MYO16: variants seen among roughly 807,000 people sequenced by gnomAD.
The protein encoded by MYO16 is myosin XVI, also known as unconventional myosin-XVI.
A neutral mutation model predicts 205.3 loss-of-function variants in MYO16; 94 were observed. The observed-to-expected ratio is 0.46, with a 90% CI of 0.39 to 0.54. The LOEUF is 0.54. Ranked by LOEUF, MYO16 falls within the 20% of genes least tolerant of loss-of-function variation. The pLI is 0.00. For synonymous variants in MYO16, 988 were observed against 954.0 expected, an observed-to-expected ratio of 1.04 and a Z score of -0.66; for missense variants, 2,315 against 2,387.5, an observed-to-expected ratio of 0.97 and a Z score of 0.63.
intron 4 of MYO16, among the ~76,000 whole-genome samples, chr13:108,767,570 TC>T (rs1885822538): frequency 7.2e-5 from 11 of 152,304 alleles, no homozygotes; most frequent in African/African-American, 2.4e-4. Flanking sequence ...GTCTCAGTAT[TC>T]TGGGAATACC....
chr13:108,498,412 G>C, the MYO16 span, among the ~76,000 whole-genome samples: 2 of 152,136 alleles, frequency 1.3e-5, no homozygotes, highest in African/African-American at 4.8e-5. Context: ...GAGGGAGAGA[G>C]AGTGATTTGA....
intron 23 of MYO16, among the ~76,000 whole-genome samples, chr13:109,032,833 A>G (rs1224359163): frequency 6.6e-6 from 1 of 152,190 alleles, no homozygotes; most frequent in African/African-American, 2.4e-5. Context: ...GTAGATTTCA[A>G]TATCAGAAAT....
Position 109,140,873 on chromosome 13 carries a change from C to G in MYO16, c.4661C>G (p.Pro1554Arg). Residue 1554 changes from proline (P) to arginine (R), a missense_variant, in exon 32 of 35, where the codon CCG (proline) becomes CGG (arginine). By Grantham distance (103) the Pro-to-Arg change is moderately radical. Around this residue, in one of 3 missense-constraint regions of MYO16, gnomAD observed 1,097 missense variants for 1,092.0 expected, o/e 1.00. Transcript: ENST00000457511. This position sits in a 1 kb window ranked among gnomAD's most constrained non-coding sequence, Gnocchi z 8.0. ...ACCAACCTCAAGTACCCCGTGCAGC[C>G]GGAGGGGTCGAGCCCGCTGTCCCCG... ...LETNLKYPVQ[P>R]EGSSPLSPQY... 6.3e-7 allele frequency: 1 copy of G among 1,595,678 alleles called. No homozygotes were observed. Among genetic ancestry groups the G allele is most frequent in the African/African-American group, 1.4e-5 (1 of 72,504 alleles).
chr13:108,640,271 T>C (rs1486602283), intron 1 of MYO16, among the ~76,000 whole-genome samples: 8 of 152,212 alleles, frequency 5.3e-5, no homozygotes, highest in Middle Eastern at 3.4e-3. Flanking sequence ...CAGGCTGGCA[T>C]GAAGTGAGAA....
At chr13:108,684,142 GGGATTACAGGC>G (rs1278689422) in intron 2 of MYO16, among the ~76,000 whole-genome samples, 1 of 152,204 alleles carries the variant, frequency 6.6e-6, no homozygotes, top group Non-Finnish European at 1.5e-5. Flanking sequence ...CCGAAGTGCT[GGGATTACAGGC>G]GTGAGCCACC....
At chr13:109,095,384 A>G (rs1441254640) in intron 27 of MYO16, among the ~76,000 whole-genome samples, 1 of 152,002 alleles carries the variant, frequency 6.6e-6, no homozygotes, top group Non-Finnish European at 1.5e-5. Context: ...CCTCAGATCA[A>G]AGTTACTGGG....
intron 31 of MYO16, among the ~76,000 whole-genome samples, chr13:109,133,331 G>A (rs763187530): frequency 1.2e-4 from 18 of 152,170 alleles, no homozygotes; most frequent in Admixed American, 3.3e-4. Context: ...AGTTACACAC[G>A]CAGACACTGT....
At position 109,011,677 on chromosome 13, in the gene MYO16, G is replaced by T. The variant is rs372090573; in HGVS notation, c.2595+2628G>T. Among the ~76,000 whole-genome samples the T allele has an allele frequency of 4.0e-5, 6 of 151,786 alleles. No homozygotes were observed. The South Asian group carries it at 1.2e-3, about 32-fold the overall frequency. ...CTACAGGTGTGTGCCACCACACCTG[G>T]CTAATTTTTGTAGTTTTAGTAGAGA... On this transcript the variant is annotated intron_variant, in intron 22 of 34. Coordinates refer to ENST00000457511, the MANE Select transcript of MYO16 (RefSeq NM_001198950.3).
At chr13:109,035,650 C>T (rs1332240184) in intron 23 of MYO16, among the ~76,000 whole-genome samples, 1 of 152,152 alleles carries the variant, frequency 6.6e-6, no homozygotes, top group Non-Finnish European at 1.5e-5. Flanking sequence ...TGCTACTGCA[C>T]TCCAGCGCGG....
intron 27 of MYO16, among the ~76,000 whole-genome samples, chr13:109,060,834 G>A (rs1929296): frequency 0.49 from 75,100 of 151,870 alleles, 18,577 homozygotes; most frequent in Middle Eastern, 0.55. Flanking sequence ...CCTGGCCTTC[G>A]AAGCTTTGAA....
intron 1 of MYO16, among the ~76,000 whole-genome samples, chr13:108,612,991 C>T (rs186728131): frequency 1.4e-4 from 21 of 151,934 alleles, no homozygotes; most frequent in East Asian, 1.4e-3. Context: ...TGTTTGAAGA[C>T]GATATAGTGT....
intron 23 of MYO16, among the ~76,000 whole-genome samples, chr13:109,040,324 G>A (rs1049114139): frequency 6.9e-6 from 1 of 144,282 alleles, no homozygotes; most frequent in African/African-American, 2.5e-5. Context: ...GATAAAGCAA[G>A]TATTATCCTA....
At chr13:108,813,277 G>A (rs392785) in intron 7 of MYO16, among the ~76,000 whole-genome samples, 142,178 of 152,200 alleles carry the variant, frequency 0.93, 67,200 homozygotes, top group East Asian at 1. Flanking sequence ...ACTTTCTAAA[G>A]TATTAGATCT....
chr13:108,948,716 T>A (rs1883031226), intron 16 of MYO16, among the ~76,000 whole-genome samples: 1 of 152,276 alleles, frequency 6.6e-6, no homozygotes, highest in African/African-American at 2.4e-5. Flanking sequence ...ACATAGCACT[T>A]CTTGAAAGAA....
intron 15 of MYO16, among the ~76,000 whole-genome samples, chr13:108,905,550 CTTAGCTATTGACCAGATAAG>C (rs2139222549): frequency 6.6e-6 from 1 of 152,232 alleles, no homozygotes; most frequent in Non-Finnish European, 1.5e-5. Flanking sequence ...CAAGGTAAAT[CTTAGCTATTGACCAGATAAG>C]TTCTCAGACA....
chr13:109,161,548 T>C (rs1280089614), intron 32 of MYO16, among the ~76,000 whole-genome samples: 2 of 152,150 alleles, frequency 1.3e-5, no homozygotes, highest in African/African-American at 2.4e-5. Flanking sequence ...TAGCAGGGAA[T>C]TGGCACCTAA....
At chr13:108,912,518 A>G (rs1881312914) in intron 16 of MYO16, among the ~76,000 whole-genome samples, 1 of 152,146 alleles carries the variant, frequency 6.6e-6, no homozygotes, top group African/African-American at 2.4e-5. Flanking sequence ...AAATCCCTTT[A>G]TATTATAAAG....
Position 109,082,880 on chromosome 13 carries a change from G to C in MYO16, c.3336-17905G>C, listed in dbSNP as rs148414466. Among the ~76,000 whole-genome samples the C allele has an allele frequency of 1.7e-3, 259 of 152,264 alleles. 2 individuals are homozygous for C. The highest frequency in any genetic ancestry group is 0.015 in the Admixed American group (232 of 15,286). ...TGAAGCGGGTTCAAGGTACCTGTGA[G>C]ATGCTAAGGCAGAGGGGCTCTAAGA... is the stretch of plus-strand genomic sequence containing the variant. On this transcript the variant is annotated intron_variant, in intron 27 of 34. Transcript: ENST00000457511.
At chr13:108,575,293 G>A in the MYO16 span, among the ~76,000 whole-genome samples, 9 of 152,222 alleles carry the variant, frequency 5.9e-5, no homozygotes, top group East Asian at 1.9e-4. Flanking sequence ...TGACCAACCC[G>A]CCAGCTATGT....
Sources: allele counts gnomAD v4.1 joint callset (sites outside exome capture counted in the v4.1 genomes callset), GRCh38; gene constraint gnomAD v4.1.1; regional missense constraint gnomAD v4.1.1; non-coding constraint Gnocchi (gnomAD v3.1); transcripts MANE v1.5; gene names NCBI Gene and HGNC (gene_info 2026-07-23, HGNC 2026-07-21).